The following RIT2 variants were observed in gnomAD, a reference collection of about 807,000 sequenced individuals.
The protein encoded by RIT2 is Ras like without CAAX 2, also known as GTP-binding protein Rit2.
Under a neutral mutation model 23.7 loss-of-function variants are expected in RIT2, and 24 were observed. The observed-to-expected ratio is 1.01, with a 90% CI of 0.73 to 1.43. The LOEUF is 1.43. Among genes scored for constraint, RIT2 ranks in the 40% most tolerant of loss-of-function variants. The pLI, the probability that RIT2 is intolerant of heterozygous loss-of-function variation, is 0.00. For synonymous variants in RIT2, 107 were observed against 91.1 expected (o/e 1.17, Z -0.99); for missense variants, 236 against 266.9 (o/e 0.88, Z 0.81).
intron 2 of RIT2, among the ~76,000 whole-genome samples, chr18:43,003,487 T>C (rs1051740667): frequency 2.0e-5 from 3 of 151,916 alleles, no homozygotes; most frequent in Non-Finnish European, 4.4e-5. Context: ...ATATGAAGAA[T>C]TGGTCTCATA....
At chr18:42,845,427 C>T (rs1016715843) in intron 4 of RIT2, among the ~76,000 whole-genome samples, 3 of 149,948 alleles carry the variant, frequency 2.0e-5, no homozygotes, top group Non-Finnish European at 4.4e-5. Context: ...TATTTATGTA[C>T]TATATAATTT....
At chr18:43,072,988 C>A (rs1003566032) in intron 1 of RIT2, among the ~76,000 whole-genome samples, 1 of 152,174 alleles carries the variant, frequency 6.6e-6, no homozygotes, top group African/African-American at 2.4e-5. Flanking sequence ...TCCCCATATA[C>A]CCTTTCCGTA....
At chr18:43,066,932 T>C (rs552225990) in intron 1 of RIT2, among the ~76,000 whole-genome samples, 1 of 150,164 alleles carries the variant, frequency 6.7e-6, no homozygotes, top group Admixed American at 6.7e-5. Context: ...ATCCCTGTGA[T>C]TGTAGTAAAT....
intron 4 of RIT2, among the ~76,000 whole-genome samples, chr18:42,832,090 C>G (rs73951766): frequency 0.017 from 2,652 of 152,222 alleles, 100 homozygotes; most frequent in African/African-American, 0.06. Flanking sequence ...GAGAAAGCTT[C>G]AGGGCAGGCA....
chr18:42,863,003 G>T (rs1158329173), intron 4 of RIT2, among the ~76,000 whole-genome samples: 1 of 150,658 alleles, frequency 6.6e-6, no homozygotes, highest in Non-Finnish European at 1.5e-5. Context: ...ACTTCCCACA[G>T]ATAGCAATTT....
At chr18:42,803,187 C>T (rs1361351501) in intron 4 of RIT2, among the ~76,000 whole-genome samples, 1 of 152,196 alleles carries the variant, frequency 6.6e-6, no homozygotes, top group Admixed American at 6.5e-5. Flanking sequence ...ATTCCAATGA[C>T]TTCATCATTC....
intron 1 of RIT2, among the ~76,000 whole-genome samples, chr18:43,072,491 GA>G (rs1912922302): frequency 1.3e-5 from 2 of 152,132 alleles, no homozygotes; most frequent in South Asian, 4.1e-4. Context: ...CATTCTCAGA[GA>G]CAAATGGGAA....
In RIT2 at chr18:42,995,787, C is replaced by T. The variant is rs369429291; in HGVS notation, c.161-21640G>A. ...TGTATGGACGCTCCTTTTTATTAAG[C>T]CCCAGTCTCACCAGACCAACTTGGA... On this transcript the variant is annotated intron_variant, in intron 2 of 4. Coordinates refer to ENST00000326695, the MANE Select transcript of RIT2 (RefSeq NM_002930.4). Among the ~76,000 whole-genome samples, 19 of 152,230 alleles carry T rather than the reference C, an allele frequency of 1.2e-4. No individual in the cohort carries two copies. The South Asian group carries it at 2.9e-3, about 23-fold the overall frequency.
chr18:42,823,406 A>T (rs1367650789), intron 4 of RIT2, among the ~76,000 whole-genome samples: 1 of 152,186 alleles, frequency 6.6e-6, no homozygotes, highest in African/African-American at 2.4e-5. Context: ...ATTTCCATGC[A>T]TCTGCATTCC....
intron 1 of RIT2, among the ~76,000 whole-genome samples, chr18:43,096,252 G>A (rs921496014): frequency 6.6e-6 from 1 of 151,860 alleles, no homozygotes; most frequent in East Asian, 1.9e-4. Flanking sequence ...TGAATTGAAT[G>A]AAACTTTAAA....
rs144883531 is a variant in RIT2 at position 42,964,604 on chromosome 18, C to T, written c.234+9470G>A. Among the ~76,000 whole-genome samples the T allele has an allele frequency of 2.0e-4, 30 of 152,224 alleles. No individual in the cohort carries two copies. In the Middle Eastern group the frequency reaches 0.01, roughly 52 times the overall value. On this transcript the variant is annotated intron_variant, in intron 3 of 4. Transcript: ENST00000326695. Reference sequence around the variant, plus strand: ...CTACTGAGCCAGACGAAGGCATGAACGACTATGTTTTCCTACTCCCACATA... The same window carrying T: ...CTACTGAGCCAGACGAAGGCATGAATGACTATGTTTTCCTACTCCCACATA...
At chr18:43,084,653 G>T (rs1289719444) in intron 1 of RIT2, among the ~76,000 whole-genome samples, 6 of 152,118 alleles carry the variant, frequency 3.9e-5, no homozygotes, top group Non-Finnish European at 8.8e-5. Flanking sequence ...AACACTGCAT[G>T]TTCTCTCTCA....
At chr18:43,049,972 C>CTTTTTTTTTTTTTTTTTTTTTTTTTT (rs755291383) in intron 1 of RIT2, among the ~76,000 whole-genome samples, 1 of 66,014 alleles carries the variant, frequency 1.5e-5, no homozygotes, top group African/African-American at 6.5e-5. Flanking sequence ...AAGGGATTTC[C>CTTTTTTTTTTTTTTTTTTTTTTTTTT]TTTTTTTTTT....
At chr18:42,881,223 A>C (rs986936749) in intron 4 of RIT2, among the ~76,000 whole-genome samples, 9 of 152,242 alleles carry the variant, frequency 5.9e-5, no homozygotes, top group African/African-American at 2.2e-4. Context: ...AACAAAAAAC[A>C]GAGGTTGTTT....
chr18:42,912,130 A>C (rs1425451577), intron 4 of RIT2, among the ~76,000 whole-genome samples: 1 of 151,822 alleles, frequency 6.6e-6, no homozygotes, highest in Non-Finnish European at 1.5e-5. Context: ...AGACTAATTA[A>C]ATATTCAAAA....
chr18:42,823,106 G>C (rs979004903), intron 4 of RIT2, among the ~76,000 whole-genome samples: 5 of 152,078 alleles, frequency 3.3e-5, no homozygotes, highest in African/African-American at 1.2e-4. Flanking sequence ...AATGTACTGA[G>C]AGCCTCAAAT....
intron 4 of RIT2, among the ~76,000 whole-genome samples, chr18:42,746,373 A>C (rs1912916827): frequency 6.6e-6 from 1 of 152,132 alleles, no homozygotes; most frequent in Non-Finnish European, 1.5e-5. Context: ...ATTTTACAAA[A>C]ATCACCTGCA....
At chr18:43,076,256 T>C (rs752331762) in intron 1 of RIT2, among the ~76,000 whole-genome samples, 1 of 152,206 alleles carries the variant, frequency 6.6e-6, no homozygotes, top group Non-Finnish European at 1.5e-5. Context: ...ATCCCCAGAA[T>C]GTGTTGACCG....
chr18:43,022,717 C>T (rs1183026192), intron 2 of RIT2, among the ~76,000 whole-genome samples: 2 of 151,844 alleles, frequency 1.3e-5, no homozygotes, highest in Non-Finnish European at 2.9e-5. Flanking sequence ...TTTTTCATTG[C>T]TATAGCCCAG....
Sources: allele counts gnomAD v4.1 joint callset (sites outside exome capture counted in the v4.1 genomes callset), GRCh38; gene constraint gnomAD v4.1.1; transcripts MANE v1.5; gene names NCBI Gene and HGNC (gene_info 2026-07-23, HGNC 2026-07-21).